ALK: variants seen among roughly 807,000 people sequenced by gnomAD.
ALK encodes ALK tyrosine kinase receptor.
ALK carries 74 observed loss-of-function variants against 163.1 expected under a neutral mutation model. The ratio of observed to expected loss-of-function variants is 0.45; its 90% confidence interval spans 0.38 to 0.55. The LOEUF (loss-of-function observed/expected upper bound fraction) is 0.55. Among genes scored for constraint, ALK ranks in the 20% least tolerant of loss-of-function variants. ALK has a pLI of 0.00. For synonymous variants in ALK, 960 were observed against 843.2 expected, an observed-to-expected ratio of 1.14 and a Z score of -2.40; for missense variants, 2,063 against 2,105.3, an observed-to-expected ratio of 0.98 and a Z score of 0.39.
intron 4 of ALK, among the ~76,000 whole-genome samples, chr2:29,428,414 A>G (rs930958378): frequency 6.6e-6 from 1 of 152,002 alleles, no homozygotes; most frequent in African/African-American, 2.4e-5. Flanking sequence ...CATTAATATC[A>G]GAAATGGAAG....
chr2:29,491,557 T>C (rs1671902851), intron 4 of ALK, among the ~76,000 whole-genome samples: 1 of 152,214 alleles, frequency 6.6e-6, no homozygotes. Flanking sequence ...CTAAAATTGA[T>C]GTTGAATACA....
intron 5 of ALK, among the ~76,000 whole-genome samples, chr2:29,334,020 G>T (rs917580801): frequency 1.3e-5 from 2 of 152,152 alleles, no homozygotes; most frequent in African/African-American, 2.4e-5. Flanking sequence ...TCACATGTGG[G>T]TTATCCTTTG....
intron 3 of ALK, chr2:29,681,209 G>A (rs1678057047): frequency 6.6e-6 from 1 of 152,210 alleles, no homozygotes; most frequent in African/African-American, 2.4e-5. Flanking sequence ...GCCAAACTTA[G>A]TGCAGACACT....
At chr2:29,838,315 GTTGA>G (rs1665615848) in intron 1 of ALK, among the ~76,000 whole-genome samples, 1 of 152,132 alleles carries the variant, frequency 6.6e-6, no homozygotes, top group African/African-American at 2.4e-5. Context: ...TGAAAATAGT[GTTGA>G]TTATTTTCCC....
At chr2:29,698,616 A>G (rs1048286531) in intron 2 of ALK, among the ~76,000 whole-genome samples, 1 of 152,200 alleles carries the variant, frequency 6.6e-6, no homozygotes, top group Non-Finnish European at 1.5e-5. Flanking sequence ...TGTGCCCTAC[A>G]TGTGTATACA....
chr2:29,291,155 G>C (rs1261372434), intron 9 of ALK, among the ~76,000 whole-genome samples: 1 of 152,082 alleles, frequency 6.6e-6, no homozygotes, highest in Non-Finnish European at 1.5e-5. Context: ...TTGAGGCCAG[G>C]AGTTCAAGAT....
At chr2:29,572,253 G>T (rs1384212336) in intron 3 of ALK, among the ~76,000 whole-genome samples, 1 of 152,198 alleles carries the variant, frequency 6.6e-6, no homozygotes. Context: ...CTTGGAAATT[G>T]CCAGGTGAGG....
chr2:29,778,251 G>A (rs989527226), intron 1 of ALK, among the ~76,000 whole-genome samples: 1 of 152,112 alleles, frequency 6.6e-6, no homozygotes, highest in Non-Finnish European at 1.5e-5. Context: ...ACCTCTAAGC[G>A]AATCCAATGC....
At chr2:29,784,690 C>T (rs1238158746) in intron 1 of ALK, among the ~76,000 whole-genome samples, 4 of 123,070 alleles carry the variant, frequency 3.3e-5, no homozygotes, top group South Asian at 3.1e-4. Flanking sequence ...GCAAGACCTC[C>T]GTCTCAACAA....
At chr2:29,468,104 C>T (rs763599363) in intron 4 of ALK, among the ~76,000 whole-genome samples, 2 of 151,916 alleles carry the variant, frequency 1.3e-5, no homozygotes, top group Non-Finnish European at 2.9e-5. Context: ...TCTCAGCTCA[C>T]TGCAACCTGC....
At chr2:29,197,713 A>T (rs370412294) in intron 26 of ALK, 37 bp from the exon 27 acceptor site, 4 of 1,558,332 alleles carry the variant, frequency 2.6e-6, no homozygotes, top group African/African-American at 2.7e-5. Flanking sequence ...ATGGATATAG[A>T]CACACCCACC....
At chr2:29,773,781 A>C (rs1319388100) in intron 1 of ALK, among the ~76,000 whole-genome samples, 1 of 152,228 alleles carries the variant, frequency 6.6e-6, no homozygotes, top group Admixed American at 6.5e-5. Context: ...GCATCATAAA[A>C]AATAAGACTT....
intron 11 of ALK, among the ~76,000 whole-genome samples, chr2:29,267,492 T>G (rs1665251610): frequency 6.6e-6 from 1 of 152,140 alleles, no homozygotes; most frequent in African/African-American, 2.4e-5. Flanking sequence ...GGTACACACT[T>G]TGGCCTCCTC....
Position 29,193,491 on chromosome 2 carries a change from G to C in ALK, c.4596C>G (p.Asn1532Lys). The change falls in exon 29 of 29, where the codon AAC becomes AAG. Residue 1532 changes from asparagine to lysine, a missense_variant. Physicochemically the swap from Asn to Lys is moderately conservative, Grantham distance 94. Transcript: ENST00000389048. ...CAGTACAGCTTCCCTCCAGCCCCAG[G>C]TTACCCCTGTCGTGTGGCTCCTTCT... ...IAKKEPHDRG[N>K]LGLEGSCTVP... 1 of 1,614,098 alleles carries C rather than the reference G, an allele frequency of 6.2e-7. No homozygotes were observed. The highest frequency in any genetic ancestry group is 8.5e-7 in the Non-Finnish European group (1 of 1,180,020).
intron 4 of ALK, among the ~76,000 whole-genome samples, chr2:29,439,086 T>A (rs76497334): frequency 0.028 from 4,207 of 152,276 alleles, 175 homozygotes; most frequent in African/African-American, 0.094. Flanking sequence ...CTCGAGGACA[T>A]CTGCAAGTCC....
At chr2:29,575,175 G>A (rs1444250109) in intron 3 of ALK, among the ~76,000 whole-genome samples, 2 of 152,168 alleles carry the variant, frequency 1.3e-5, no homozygotes, top group East Asian at 1.9e-4. Flanking sequence ...GATTGTGGTT[G>A]GTTATAAGGG....
chr2:29,598,020 G>A (rs1675263434), intron 3 of ALK, among the ~76,000 whole-genome samples: 1 of 152,192 alleles, frequency 6.6e-6, no homozygotes, highest in African/African-American at 2.4e-5. Flanking sequence ...GGAAAACAGA[G>A]GTTCAGAGAG....
Position 29,214,043 on chromosome 2 carries a change from G to C in ALK, c.3684C>G (p.His1228Gln), listed in dbSNP as rs763332339. Residue 1228 changes from histidine (H) to glutamine (Q), a missense_variant, in exon 24 of 29, where the codon CAC becomes CAG. Around this residue, in one of 5 missense-constraint regions of ALK, gnomAD observed 83 missense variants for 139.7 expected, o/e 0.59. Coordinates refer to ENST00000389048, the MANE Select transcript of ALK (RefSeq NM_004304.5). Reference sequence around the variant, plus strand: ...AGCCACAGGCAATGTCCCGAGCCACGTGCAGAAGGTCCAGCATGGCCAGGG... The same window carrying C: ...AGCCACAGGCAATGTCCCGAGCCACCTGCAGAAGGTCCAGCATGGCCAGGG... ...PSSLAMLDLL[H>Q]VARDIACGCQ... 6.2e-7 allele frequency: 1 copy of C among 1,614,064 alleles called. No individual in the cohort carries two copies. The highest frequency in any genetic ancestry group is 8.5e-7 in the Non-Finnish European group (1 of 1,179,972).
chr2:29,818,456 A>T (rs571682402), intron 1 of ALK, among the ~76,000 whole-genome samples: 4 of 152,380 alleles, frequency 2.6e-5, no homozygotes, highest in Non-Finnish European at 4.4e-5. Flanking sequence ...GAGACGTTAG[A>T]GGAAGCCCGG....
Sources: gnomAD v4.1 joint callset for allele counts (sites outside exome capture counted in the v4.1 genomes callset) on GRCh38, gnomAD v4.1.1 for gene constraint, gnomAD v4.1.1 regional missense constraint, MANE v1.5 for transcripts, NCBI Gene and HGNC (gene_info 2026-07-23, HGNC 2026-07-21) for gene names.